Variants in RALGAPA1 observed in about 807,000 individuals in gnomAD.
RALGAPA1 encodes the protein ral GTPase-activating protein subunit alpha-1.
Under a neutral mutation model 269.6 loss-of-function variants are expected in RALGAPA1, and 52 were observed. The observed-to-expected ratio is 0.19, with a 90% CI of 0.15 to 0.24. The LOEUF is 0.24. Among genes scored for constraint, RALGAPA1 ranks in the 10% least tolerant of loss-of-function variants. The probability of loss-of-function intolerance (pLI) is 1.00; values close to 1 mark genes in which losing one functional copy is unlikely to be tolerated. For synonymous variants in RALGAPA1, 817 were observed against 1,008.3 expected (o/e 0.81, Z 3.60); for missense variants, 1,917 against 3,013.9 (o/e 0.64, Z 8.52).
At chr14:35,630,737 A>G (rs1365107966) in intron 33 of RALGAPA1, among the ~76,000 whole-genome samples, 1 of 152,178 alleles carries the variant, frequency 6.6e-6, no homozygotes, top group South Asian at 2.1e-4. Context: ...TCTACCAAAA[A>G]ATACAAAAAT....
intron 1 of RALGAPA1, among the ~76,000 whole-genome samples, chr14:35,786,206 T>C (rs2075782664): frequency 6.6e-6 from 1 of 152,152 alleles, no homozygotes; most frequent in Non-Finnish European, 1.5e-5. Context: ...TTTCAGTGTG[T>C]AGGCTGAACA....
At chr14:35,581,038 G>A (rs1304745332) in intron 37 of RALGAPA1, among the ~76,000 whole-genome samples, 1 of 152,090 alleles carries the variant, frequency 6.6e-6, no homozygotes, top group Non-Finnish European at 1.5e-5. Context: ...TTTATAATAG[G>A]ACACATGTTC....
At chr14:35,644,122 T>A (rs564707295) in intron 31 of RALGAPA1, among the ~76,000 whole-genome samples, 2 of 152,328 alleles carry the variant, frequency 1.3e-5, no homozygotes, top group East Asian at 3.8e-4. Context: ...ATGCACTGTA[T>A]GTCTCTGTCA....
intron 39 of RALGAPA1, among the ~76,000 whole-genome samples, chr14:35,559,985 G>A (rs900989363): frequency 1.3e-5 from 2 of 152,114 alleles, no homozygotes; most frequent in African/African-American, 4.8e-5. Context: ...AGAGATCTTA[G>A]TCTCATTGAG....
chr14:35,627,024 G>T (rs926339564), intron 34 of RALGAPA1, 66 bp downstream of exon 34: 3 of 1,352,178 alleles, frequency 2.2e-6, no homozygotes, highest in Admixed American at 3.0e-5. Flanking sequence ...AAAATAAAAT[G>T]CTTTATCAGA....
intron 39 of RALGAPA1, among the ~76,000 whole-genome samples, chr14:35,559,667 A>G (rs1206545741): frequency 6.6e-6 from 1 of 152,176 alleles, no homozygotes; most frequent in Non-Finnish European, 1.5e-5. Flanking sequence ...GCATATGTGG[A>G]CCATACTGTT....
chr14:35,793,238 CTTT>C (rs762905743), intron 1 of RALGAPA1, among the ~76,000 whole-genome samples: 2 of 141,032 alleles, frequency 1.4e-5, no homozygotes, highest in Admixed American at 7.1e-5. Flanking sequence ...CCAAAGTCTA[CTTT>C]TTTTTTTTTT....
chr14:35,716,633 A>G (rs1029485009), intron 16 of RALGAPA1, among the ~76,000 whole-genome samples: 1 of 152,122 alleles, frequency 6.6e-6, no homozygotes, highest in Non-Finnish European at 1.5e-5. Flanking sequence ...TATCCCCAAA[A>G]TAATTTTTAT....
intron 37 of RALGAPA1, among the ~76,000 whole-genome samples, chr14:35,577,304 C>T (rs1055435825): frequency 4.6e-5 from 7 of 151,786 alleles, no homozygotes; most frequent in Non-Finnish European, 8.8e-5. Flanking sequence ...GAAATCCTAA[C>T]CCCCCAGTGT....
At chr14:35,661,314 T>C (rs1388776553) in intron 27 of RALGAPA1, among the ~76,000 whole-genome samples, 1 of 152,178 alleles carries the variant, frequency 6.6e-6, no homozygotes, top group Non-Finnish European at 1.5e-5. Flanking sequence ...TTGTAAAATA[T>C]GACAATGAAT....
chr14:35,656,224 A>C (rs1233149419), intron 28 of RALGAPA1, among the ~76,000 whole-genome samples: 2 of 152,206 alleles, frequency 1.3e-5, no homozygotes, highest in African/African-American at 4.8e-5. Context: ...AACAAAATGT[A>C]ACCTGCTTTC....
chr14:35,633,220 T>C (rs2061465513), intron 33 of RALGAPA1, among the ~76,000 whole-genome samples: 1 of 152,200 alleles, frequency 6.6e-6, no homozygotes, highest in African/African-American at 2.4e-5. Flanking sequence ...AACTGCCATT[T>C]TATACCTTAA....
At chr14:35,589,415 A>G (rs6571724) in intron 37 of RALGAPA1, among the ~76,000 whole-genome samples, 151,742 of 152,308 alleles carry the variant, frequency 1, 75,588 homozygotes, top group East Asian at 1. Flanking sequence ...AGTGTTCTCA[A>G]CATGAAAAAC....
At chr14:35,731,398 C>T (rs1327047442) in intron 12 of RALGAPA1, among the ~76,000 whole-genome samples, 4 of 152,004 alleles carry the variant, frequency 2.6e-5, no homozygotes, top group Non-Finnish European at 5.9e-5. Context: ...CCTGATTTAC[C>T]TGAAAAAGAA....
At chr14:35,753,653 G>A (rs915162192) in intron 7 of RALGAPA1, among the ~76,000 whole-genome samples, 1 of 152,108 alleles carries the variant, frequency 6.6e-6, no homozygotes, top group Non-Finnish European at 1.5e-5. Flanking sequence ...TATAGAGACA[G>A]AAAATCAATT....
At chr14:35,804,405 C>A (rs535273223) in intron 1 of RALGAPA1, among the ~76,000 whole-genome samples, 1 of 150,576 alleles carries the variant, frequency 6.6e-6, no homozygotes, top group African/African-American at 2.4e-5. Context: ...CCTGTCTCTA[C>A]TAAAAATACA....
At chr14:35,790,216 G>A (rs532765822) in intron 1 of RALGAPA1, among the ~76,000 whole-genome samples, 1 of 152,164 alleles carries the variant, frequency 6.6e-6, no homozygotes, top group African/African-American at 2.4e-5. Flanking sequence ...TCTCACCACT[G>A]CACTCCAGCC....
rs529505324 is a variant in RALGAPA1 at position 35,751,260 on chromosome 14, C to A, written c.803-570G>T. ...GCAAAAACTGCCATTACTTTTGCAC[C>A]AATCTATATAAATACTGGATGAAAC... On this transcript the variant is annotated intron_variant, in intron 8 of 41. Coordinates refer to ENST00000680220, the MANE Select transcript of RALGAPA1 (RefSeq NM_001346249.2). Among the ~76,000 whole-genome samples, 8 of 152,246 alleles carry A rather than the reference C, an allele frequency of 5.3e-5. No homozygotes were observed. The East Asian group carries it at 1.3e-3, about 26-fold the overall frequency.
At position 35,738,549 on chromosome 14, in the gene RALGAPA1, T is replaced by C. The variant is rs1446276340; in HGVS notation, c.1551A>G (p.Glu517=). ...ALHNASEEAT[E]QNIRAGTQAV... is the part of the protein sequence containing the mutation. ...CCTGGGTACCAGCTCGTATGTTTTG[T>C]TCTGTGGCTTCTTCAGAGGCGTTAT... The change falls in exon 12 of 42, where the codon GAA becomes GAG. Residue 517 remains glutamate (E), a synonymous_variant. Coordinates refer to ENST00000680220, the MANE Select transcript of RALGAPA1 (RefSeq NM_001346249.2). 6.2e-7 allele frequency: 1 copy of C among 1,612,688 alleles called. No homozygotes were observed. The highest frequency in any genetic ancestry group is 8.5e-7 in the Non-Finnish European group (1 of 1,179,628).
Sources: allele counts gnomAD v4.1 joint callset (sites outside exome capture counted in the v4.1 genomes callset), GRCh38; gene constraint gnomAD v4.1.1; transcripts MANE v1.5; gene names NCBI Gene and HGNC (gene_info 2026-07-23, HGNC 2026-07-21).